Variants in CDH12 observed in about 807,000 individuals in gnomAD.
The protein encoded by CDH12 is cadherin-12.
Under a neutral mutation model 74.1 loss-of-function variants are expected in CDH12, and 41 were observed. The ratio of observed to expected loss-of-function variants is 0.55; its 90% CI spans 0.43 to 0.72. The LOEUF (loss-of-function observed/expected upper bound fraction) is 0.72. Among genes scored for constraint, CDH12 ranks in the 30% least tolerant of loss-of-function variants. The pLI, the probability that CDH12 is intolerant of heterozygous loss-of-function variation, is 0.00. For synonymous variants in CDH12, 399 were observed against 355.0 expected (o/e 1.12, Z -1.39); for missense variants, 945 against 977.2 (o/e 0.97, Z 0.44).
At chr5:22,583,767 AC>A (rs1261649433) in intron 1 of CDH12, among the ~76,000 whole-genome samples, 1 of 152,176 alleles carries the variant, frequency 6.6e-6, no homozygotes, top group Non-Finnish European at 1.5e-5. Flanking sequence ...GTTTCCTAAA[AC>A]TTTTCACAGG....
At position 22,547,776 on chromosome 5, in the gene CDH12, G is replaced by A. The variant is rs146911463; in HGVS notation, c.-522-42412C>T. ...GTTTAAATAGGTAAGTGGTCTGAAC[G>A]TATTAGGGGAATTTGTAGAAACAAA... On this transcript the variant is annotated intron_variant, in intron 1 of 14. Coordinates refer to ENST00000382254, the MANE Select transcript of CDH12 (RefSeq NM_004061.5). Among the ~76,000 whole-genome samples the A allele has an allele frequency of 3.5e-3, 537 of 152,244 alleles. 5 individuals carry two copies. The highest frequency in any genetic ancestry group is 0.012 in the African/African-American group (504 of 41,552).
intron 1 of CDH12, among the ~76,000 whole-genome samples, chr5:22,698,621 T>C (rs1404002758): frequency 6.9e-6 from 1 of 145,106 alleles, no homozygotes; most frequent in Non-Finnish European, 1.5e-5. Flanking sequence ...GATGCCATTC[T>C]CAACTACTGT....
intron 1 of CDH12, among the ~76,000 whole-genome samples, chr5:22,842,518 A>T (rs1344305415): frequency 1.3e-5 from 2 of 152,098 alleles, no homozygotes; most frequent in African/African-American, 4.8e-5. Flanking sequence ...AGCTTAATAG[A>T]GTAAATAATG....
At chr5:22,109,954 C>A (rs1744712217) in intron 4 of CDH12, among the ~76,000 whole-genome samples, 1 of 152,022 alleles carries the variant, frequency 6.6e-6, no homozygotes, top group Non-Finnish European at 1.5e-5. Flanking sequence ...GTGAACTGGG[C>A]AAATAATAGT....
At position 22,518,668 on chromosome 5, in the gene CDH12, G is replaced by A. The variant is rs186624481; in HGVS notation, c.-522-13304C>T. On this transcript the variant is annotated intron_variant, in intron 1 of 14. Coordinates refer to ENST00000382254, the MANE Select transcript of CDH12 (RefSeq NM_004061.5). ...ACCATAAGCCTTGAATTCTTAGCAT[G>A]TAATATTTCACAATATTGACCTTAT... Among the ~76,000 whole-genome samples, 164 of 152,242 alleles carry A rather than the reference G, an allele frequency of 1.1e-3. 1 individual carries two copies. The highest frequency in any genetic ancestry group is 3.7e-3 in the African/African-American group (153 of 41,546).
intron 1 of CDH12, among the ~76,000 whole-genome samples, chr5:22,581,147 G>A (rs1476994275): frequency 8.5e-5 from 13 of 152,194 alleles, no homozygotes; most frequent in Non-Finnish European, 1.8e-4. Context: ...AGACAATGGG[G>A]AAAATGTTTC....
chr5:21,838,270 C>T (rs544960890), intron 8 of CDH12, among the ~76,000 whole-genome samples: 1 of 152,232 alleles, frequency 6.6e-6, no homozygotes, highest in South Asian at 2.1e-4. Context: ...TTTAAAAGTT[C>T]CAGTGCTGGC....
chr5:22,343,008 T>C (rs979365774), intron 3 of CDH12, among the ~76,000 whole-genome samples: 11 of 151,376 alleles, frequency 7.3e-5, no homozygotes, highest in Non-Finnish European at 1.6e-4. Flanking sequence ...GAGCCAACCA[T>C]CATGCCTGGC....
chr5:21,907,305 C>A lies in CDH12; in HGVS notation c.527-52515G>T, dbSNP rs147412836. 5.0e-3 allele frequency among the ~76,000 whole-genome samples: 768 copies of A among 152,212 alleles called. 5 individuals carry two copies. The highest frequency in any genetic ancestry group is 0.018 in the African/African-American group (736 of 41,544). On this transcript the variant is annotated intron_variant, in intron 6 of 14. Transcript: ENST00000382254. ...TGTGTACGGGGAGTGGGCAGCAGCA[C>A]AAAGCCAGCGACCCAGTTGGGAAAG...
In CDH12 at chr5:22,078,752, T is replaced by C. The variant is rs1742512233; in HGVS notation, c.-76A>G. 3 of 1,559,448 alleles carry C rather than the reference T, an allele frequency of 1.9e-6. No homozygotes were observed. On this transcript the variant is annotated 5_prime_UTR_variant, in exon 5 of 15. Transcript: ENST00000382254. ...AGAATTGTGGAATCCAGGTTTGAGG[T>C]GTCTGTGGCCTCCACCACTTAGCTT...
intron 2 of CDH12, among the ~76,000 whole-genome samples, chr5:22,410,340 T>C (rs938299581): frequency 2.6e-5 from 4 of 152,174 alleles, no homozygotes; most frequent in Non-Finnish European, 5.9e-5. Flanking sequence ...AAACTGGCCA[T>C]AAAAAATTAT....
At chr5:22,642,830 A>C (rs1476997710) in intron 1 of CDH12, among the ~76,000 whole-genome samples, 1 of 152,128 alleles carries the variant, frequency 6.6e-6, no homozygotes, top group African/African-American at 2.4e-5. Context: ...ATAGATAATA[A>C]TTCTACATTG....
chr5:21,858,600 A>C (rs1199165090), intron 6 of CDH12, among the ~76,000 whole-genome samples: 3 of 151,950 alleles, frequency 2.0e-5, no homozygotes. Flanking sequence ...AATAGTTTGT[A>C]ATTACTCCAC....
intron 5 of CDH12, among the ~76,000 whole-genome samples, chr5:22,066,835 C>A (rs952355667): frequency 6.6e-6 from 1 of 152,194 alleles, no homozygotes; most frequent in Non-Finnish European, 1.5e-5. Flanking sequence ...GTAACTAACA[C>A]AGATGGATCT....
chr5:22,101,343 A>ATATGTATTGTATG (rs1561111526), intron 4 of CDH12, among the ~76,000 whole-genome samples: 1 of 152,040 alleles, frequency 6.6e-6, no homozygotes, highest in East Asian at 1.9e-4. Flanking sequence ...TGTATTGTAT[A>ATATGTATTGTATG]TTTATATGTA....
chr5:22,581,087 C>G (rs1438893625), intron 1 of CDH12, among the ~76,000 whole-genome samples: 4 of 152,142 alleles, frequency 2.6e-5, no homozygotes, highest in Non-Finnish European at 5.9e-5. Context: ...GAAATTTAAA[C>G]CAGCTGCAGA....
At chr5:22,027,735 A>G (rs1405472519) in intron 5 of CDH12, among the ~76,000 whole-genome samples, 1 of 151,836 alleles carries the variant, frequency 6.6e-6, no homozygotes, top group African/African-American at 2.4e-5. Context: ...CTAGTGGTCT[A>G]TTAATTTTGT....
At chr5:22,541,527 C>A (rs1188072922) in intron 1 of CDH12, among the ~76,000 whole-genome samples, 1 of 152,132 alleles carries the variant, frequency 6.6e-6, no homozygotes, top group African/African-American at 2.4e-5. Flanking sequence ...AAAACCTGAT[C>A]ATTTGTAAGG....
intron 1 of CDH12, among the ~76,000 whole-genome samples, chr5:22,625,672 C>G (rs1738250671): frequency 6.6e-6 from 1 of 152,160 alleles, no homozygotes; most frequent in Admixed American, 6.5e-5. Flanking sequence ...TGAGTGGCCC[C>G]CTGTCTGCTG....
Sources: gnomAD v4.1 joint callset for allele counts (sites outside exome capture counted in the v4.1 genomes callset) on GRCh38, gnomAD v4.1.1 for gene constraint, MANE v1.5 for transcripts, NCBI Gene and HGNC (gene_info 2026-07-23, HGNC 2026-07-21) for gene names.